PEX14: variants seen among roughly 807,000 people sequenced by gnomAD.
PEX14 encodes peroxisomal biogenesis factor 14.
PEX14 carries 15 observed loss-of-function variants against 49.5 expected under a neutral mutation model. The ratio of observed to expected loss-of-function variants is 0.30; its 90% CI spans 0.20 to 0.47. The LOEUF (loss-of-function observed/expected upper bound fraction) is 0.47, where lower values mean the gene tolerates loss of function less well. PEX14 is among the 20% of genes least tolerant of loss of function. The pLI, the probability that PEX14 is intolerant of heterozygous loss-of-function variation, is 1.00. For synonymous variants in PEX14, 210 were observed against 212.7 expected, an observed-to-expected ratio of 0.99 and a Z score of 0.11; for missense variants, 398 against 494.8, an observed-to-expected ratio of 0.80 and a Z score of 1.86.
Position 10,476,644 on chromosome 1 carries a change from A to T in PEX14, c.36+1642A>T, listed in dbSNP as rs367911654. On this transcript the variant is annotated intron_variant, in intron 1 of 8. Transcript: ENST00000356607. ...GTAGCTGGGACTACGGGTGCCTGCC[A>T]CCACACCTGACTAATTTTTGTAATT... is the stretch of plus-strand genomic sequence containing the variant. Among the ~76,000 whole-genome samples, 31 of 152,152 alleles carry T rather than the reference A, an allele frequency of 2.0e-4. 1 individual carries two copies. The South Asian group carries it at 6.4e-3, about 32-fold the overall frequency.
chr1:10,594,432 C>G (rs1011414565), intron 3 of PEX14, among the ~76,000 whole-genome samples: 3 of 152,194 alleles, frequency 2.0e-5, no homozygotes, highest in African/African-American at 7.2e-5. Context: ...CAATGACCAG[C>G]CCTTGACTGC....
At chr1:10,584,974 A>T (rs1208851040) in intron 3 of PEX14, among the ~76,000 whole-genome samples, 1 of 152,216 alleles carries the variant, frequency 6.6e-6, no homozygotes, top group Non-Finnish European at 1.5e-5. Flanking sequence ...GGAGGGGTGG[A>T]GGGAAAGTTA....
intron 3 of PEX14, among the ~76,000 whole-genome samples, chr1:10,571,242 T>C (rs546597021): frequency 6.6e-6 from 1 of 152,240 alleles, no homozygotes; most frequent in East Asian, 1.9e-4. Flanking sequence ...TTCCATTTTA[T>C]GTTCCAGATA....
At chr1:10,486,770 C>T (rs1476249646) in intron 1 of PEX14, among the ~76,000 whole-genome samples, 1 of 151,478 alleles carries the variant, frequency 6.6e-6, no homozygotes, top group African/African-American at 2.4e-5. Context: ...TCACTGCAAC[C>T]TCCGCCTCCT....
intron 3 of PEX14, among the ~76,000 whole-genome samples, chr1:10,550,978 G>A (rs886723136): frequency 6.6e-6 from 1 of 152,184 alleles, no homozygotes; most frequent in African/African-American, 2.4e-5. Flanking sequence ...CCATTCTTGT[G>A]TGTGAGAAGA....
intron 3 of PEX14, among the ~76,000 whole-genome samples, chr1:10,545,535 G>A (rs910832734): frequency 3.9e-5 from 6 of 152,160 alleles, no homozygotes; most frequent in African/African-American, 1.4e-4. Flanking sequence ...CTTGACTTTG[G>A]AAATATTCTT....
At chr1:10,564,595 C>CTT (rs58926587) in intron 3 of PEX14, among the ~76,000 whole-genome samples, 7 of 107,112 alleles carry the variant, frequency 6.5e-5, no homozygotes, top group African/African-American at 2.2e-4. Context: ...CTTTTTCTTT[C>CTT]TTTTTTTTTT....
rs1641885115 is a variant in PEX14 at position 10,630,239 on chromosome 1, A to G, written c.*252A>G. ...CCAGCTGCCTTTGGCTTTGATCTCA[A>G]GTCAGGCTGAAGGCAGCGAAGCCTC... On this transcript the variant is annotated 3_prime_UTR_variant, in exon 9 of 9. Transcript: ENST00000356607. The surrounding 1 kb of genome is among the most constrained non-coding windows in gnomAD (Gnocchi z 4.1). 3.3e-6 allele frequency: 2 copies of G among 610,654 alleles called. No individual in the cohort carries two copies. Among genetic ancestry groups the G allele is most frequent in the Non-Finnish European group, 5.7e-6 (2 of 352,336 alleles). The allele number at this position is 610,654 out of a possible 1,614,324, so 37.8% of individuals were successfully genotyped here.
intron 3 of PEX14, among the ~76,000 whole-genome samples, chr1:10,590,725 T>C (rs1640640156): frequency 6.6e-6 from 1 of 152,238 alleles, no homozygotes; most frequent in African/African-American, 2.4e-5. Flanking sequence ...TCATTTGAGC[T>C]ACACAGCTAG....
At chr1:10,577,529 C>T (rs1256868974) in intron 3 of PEX14, among the ~76,000 whole-genome samples, 76 of 43,002 alleles carry the variant, frequency 1.8e-3, no homozygotes, top group African/African-American at 8.4e-3. Flanking sequence ...GGACACTATA[C>T]ATATATATAT....
chr1:10,511,768 G>C (rs1028945532), intron 2 of PEX14, among the ~76,000 whole-genome samples: 1 of 151,972 alleles, frequency 6.6e-6, no homozygotes, highest in Non-Finnish European at 1.5e-5. Flanking sequence ...TCTGTGGCCC[G>C]TGGGACCTCT....
chr1:10,584,883 A>C (rs913514021), intron 3 of PEX14, among the ~76,000 whole-genome samples: 8 of 152,224 alleles, frequency 5.3e-5, no homozygotes, highest in Non-Finnish European at 5.9e-5. Flanking sequence ...ATATCAACGA[A>C]TATTGACTGT....
chr1:10,624,883 C>T (rs1454482652), intron 7 of PEX14, among the ~76,000 whole-genome samples: 1 of 152,130 alleles, frequency 6.6e-6, no homozygotes, highest in African/African-American at 2.4e-5. Context: ...CCCATCCACA[C>T]CGCAGTGCAG....
At chr1:10,565,827 G>C (rs1639787860) in intron 3 of PEX14, among the ~76,000 whole-genome samples, 1 of 151,866 alleles carries the variant, frequency 6.6e-6, no homozygotes, top group Non-Finnish European at 1.5e-5. Context: ...CAGCCTGGGC[G>C]ACCTCATTGC....
At position 10,601,386 on chromosome 1, in the gene PEX14, C is replaced by T. The variant is rs563982784; in HGVS notation, c.298+2020C>T. Among the ~76,000 whole-genome samples, 377 of 152,216 alleles carry T rather than the reference C, an allele frequency of 2.5e-3. 4 individuals carry two copies. The highest frequency in any genetic ancestry group is 0.017 in the Middle Eastern group (5 of 294). ...CTGCCTTCTTTCCCTCACCTCAGCA[C>T]TGTTTTCATCCAGCTCAGCTGCAGC... On this transcript the variant is annotated intron_variant, in intron 4 of 8. Transcript: ENST00000356607.
At chr1:10,540,843 G>A (rs1311040235) in intron 3 of PEX14, among the ~76,000 whole-genome samples, 1 of 152,140 alleles carries the variant, frequency 6.6e-6, no homozygotes, top group Admixed American at 6.5e-5. Context: ...GAGCTGGAAG[G>A]AATACAATTG....
chr1:10,550,531 T>C (rs1351466709), intron 3 of PEX14, among the ~76,000 whole-genome samples: 1 of 152,246 alleles, frequency 6.6e-6, no homozygotes, highest in Non-Finnish European at 1.5e-5. Context: ...CTGTAGAAGC[T>C]ACTAGTAATA....
At chr1:10,526,083 G>T (rs1054927501) in intron 2 of PEX14, among the ~76,000 whole-genome samples, 3 of 151,010 alleles carry the variant, frequency 2.0e-5, no homozygotes, top group Admixed American at 6.6e-5. Context: ...TGCCACACCC[G>T]GCTAATTTTT....
At chr1:10,616,128 C>G (rs1158434113) in intron 4 of PEX14, among the ~76,000 whole-genome samples, 4 of 152,104 alleles carry the variant, frequency 2.6e-5, no homozygotes, top group Non-Finnish European at 5.9e-5. Flanking sequence ...GGAGGGACTC[C>G]AGGCCCCTCC....
Sources: gnomAD v4.1 joint callset for allele counts (sites outside exome capture counted in the v4.1 genomes callset) on GRCh38, gnomAD v4.1.1 for gene constraint, Gnocchi (gnomAD v3.1) non-coding constraint, MANE v1.5 for transcripts, NCBI Gene and HGNC (gene_info 2026-07-23, HGNC 2026-07-21) for gene names.